The following SNTG1 variants were observed in gnomAD, a reference collection of about 807,000 sequenced individuals.
SNTG1 encodes gamma-1-syntrophin.
Under a neutral mutation model 74.7 loss-of-function variants are expected in SNTG1, and 39 were observed. That is an observed-to-expected ratio of 0.52 (90% CI 0.40 to 0.68). The LOEUF is 0.68. SNTG1 is among the 30% of genes least tolerant of loss of function. The pLI, the probability that SNTG1 is intolerant of heterozygous loss-of-function variation, is 0.00. For synonymous variants in SNTG1, 254 were observed against 217.1 expected, an observed-to-expected ratio of 1.17 and a Z score of -1.49; for missense variants, 685 against 609.5, an observed-to-expected ratio of 1.12 and a Z score of -1.30.
chr8:50,298,766 G>T (rs530768889), intron 2 of SNTG1, among the ~76,000 whole-genome samples: 1 of 152,030 alleles, frequency 6.6e-6, no homozygotes, highest in Non-Finnish European at 1.5e-5. Flanking sequence ...AGGAAGTGAC[G>T]GCAAACATTT....
chr8:50,469,075 T>A (rs2093631428), intron 8 of SNTG1, among the ~76,000 whole-genome samples: 1 of 152,186 alleles, frequency 6.6e-6, no homozygotes, highest in African/African-American at 2.4e-5. Flanking sequence ...GTTTATTCTT[T>A]CATTGGCATT....
At chr8:50,240,388 G>A (rs2086111892) in intron 2 of SNTG1, among the ~76,000 whole-genome samples, 1 of 152,016 alleles carries the variant, frequency 6.6e-6, no homozygotes. Context: ...TAATGATTGT[G>A]GAATAAATGA....
intron 17 of SNTG1, chr8:50,709,231 A>G (rs2131552844): frequency 4.8e-6 from 2 of 417,604 alleles, no homozygotes; most frequent in Non-Finnish European, 8.4e-6. Flanking sequence ...GTATGTATCT[A>G]TCTATCAATC....
intron 4 of SNTG1, among the ~76,000 whole-genome samples, chr8:50,432,437 A>G (rs2093248671): frequency 6.6e-6 from 1 of 152,058 alleles, no homozygotes; most frequent in Non-Finnish European, 1.5e-5. Context: ...AGTAAGTCCT[A>G]GGTCAAGCAT....
In SNTG1 at chr8:50,793,626, A is replaced by G. The variant is rs1331440833; in HGVS notation, c.*797A>G. On this transcript the variant is annotated 3_prime_UTR_variant, in exon 19 of 19. Transcript: ENST00000642720. ...CTTCCTTGGTTTGAAAGAGATTTGT[A>G]TTTTACCTAATAAGATTTATTATCA... 1 of 151,888 alleles carries G rather than the reference A, an allele frequency of 6.6e-6. No homozygotes were observed. Among genetic ancestry groups the G allele is most frequent in the Non-Finnish European group, 1.5e-5 (1 of 67,864 alleles). 9.4% of individuals were successfully genotyped at this position (151,888 alleles called of 1,614,324 possible).
chr8:50,245,180 C>CT (rs1349046463), intron 2 of SNTG1, among the ~76,000 whole-genome samples: 1 of 152,094 alleles, frequency 6.6e-6, no homozygotes, highest in Non-Finnish European at 1.5e-5. Flanking sequence ...AAGAAGTTAA[C>CT]AGACTAAATG....
chr8:50,103,295 C>G (rs1332009240), intron 1 of SNTG1, among the ~76,000 whole-genome samples: 1 of 152,118 alleles, frequency 6.6e-6, no homozygotes, highest in Non-Finnish European at 1.5e-5. Flanking sequence ...AAGTTGGATT[C>G]TTAGGTATTT....
intron 12 of SNTG1, among the ~76,000 whole-genome samples, chr8:50,579,821 G>A (rs980048363): frequency 7.9e-5 from 12 of 152,206 alleles, no homozygotes; most frequent in Admixed American, 4.6e-4. Context: ...ATGTCTGGGT[G>A]TCCAGGCAGA....
intron 1 of SNTG1, among the ~76,000 whole-genome samples, chr8:50,167,289 G>GA (rs1180714505): frequency 7.6e-4 from 68 of 89,008 alleles, no homozygotes; most frequent in South Asian, 1.3e-3. Context: ...AATAAAAAAA[G>GA]AAAAAAAAAA....
intron 2 of SNTG1, among the ~76,000 whole-genome samples, chr8:50,286,242 T>G (rs58377715): frequency 1.3e-5 from 2 of 152,326 alleles, no homozygotes; most frequent in South Asian, 2.1e-4. Flanking sequence ...TTTGCTAGAA[T>G]GGCAGATCTT....
chr8:49,933,706 T>C (rs1188286643), intron 1 of SNTG1, among the ~76,000 whole-genome samples: 1 of 152,218 alleles, frequency 6.6e-6, no homozygotes, highest in East Asian at 1.9e-4. Flanking sequence ...CCATTGATGT[T>C]GATGTCCAGT....
intron 16 of SNTG1, 41 bp downstream of exon 16, chr8:50,704,793 A>T: frequency 6.2e-7 from 1 of 1,605,264 alleles, no homozygotes; most frequent in Non-Finnish European, 8.5e-7. Flanking sequence ...GCTCCCTCAG[A>T]TGCATGACCA....
intron 1 of SNTG1, among the ~76,000 whole-genome samples, chr8:50,074,803 T>A (rs1038529845): frequency 6.6e-6 from 1 of 152,120 alleles, no homozygotes; most frequent in Admixed American, 6.5e-5. Context: ...TGGGAGCCAC[T>A]CTCTGGGCTG....
intron 1 of SNTG1, among the ~76,000 whole-genome samples, chr8:49,990,736 A>G (rs762974589): frequency 6.6e-6 from 1 of 152,112 alleles, no homozygotes; most frequent in Non-Finnish European, 1.5e-5. Context: ...AAGCAGTGCC[A>G]AGACACATGT....
chr8:50,188,490 A>G lies in SNTG1; in HGVS notation c.-28+15855A>G, dbSNP rs185315221. On this transcript the variant is annotated intron_variant, in intron 2 of 18. Transcript: ENST00000642720. Reference sequence around the variant, plus strand: ...CATCATTCAGATCCATTTGTAAACTACACAAGAGTTTTTTCACCCTCAGAT... The same window carrying G: ...CATCATTCAGATCCATTTGTAAACTGCACAAGAGTTTTTTCACCCTCAGAT... Among the ~76,000 whole-genome samples the G allele has an allele frequency of 9.8e-4, 149 of 152,222 alleles. 3 individuals are homozygous for G. Among genetic ancestry groups the G allele is most frequent in the Non-Finnish European group, 5.6e-4 (38 of 68,006 alleles).
At chr8:50,220,640 G>A (rs527591288) in intron 2 of SNTG1, among the ~76,000 whole-genome samples, 12 of 152,168 alleles carry the variant, frequency 7.9e-5, no homozygotes, top group South Asian at 2.1e-4. Context: ...ATGAGCCAGC[G>A]TGCTCCTTTA....
intron 1 of SNTG1, among the ~76,000 whole-genome samples, chr8:50,021,970 A>G (rs1816863308): frequency 6.6e-6 from 1 of 151,726 alleles, no homozygotes; most frequent in Non-Finnish European, 1.5e-5. Context: ...ATAAAAATAA[A>G]AAGAAGAAGA....
intron 10 of SNTG1, among the ~76,000 whole-genome samples, chr8:50,530,994 G>A (rs2094262293): frequency 6.6e-6 from 1 of 152,168 alleles, no homozygotes; most frequent in Non-Finnish European, 1.5e-5. Flanking sequence ...ACGTTAAGCA[G>A]AATTTTATTG....
At chr8:50,077,503 A>G (rs1273945334) in intron 1 of SNTG1, among the ~76,000 whole-genome samples, 1 of 152,152 alleles carries the variant, frequency 6.6e-6, no homozygotes, top group Non-Finnish European at 1.5e-5. Context: ...GTTATTAAGC[A>G]TTATTTAATA....
Sources: gnomAD v4.1 joint callset for allele counts (sites outside exome capture counted in the v4.1 genomes callset) on GRCh38, gnomAD v4.1.1 for gene constraint, MANE v1.5 for transcripts, NCBI Gene and HGNC (gene_info 2026-07-23, HGNC 2026-07-21) for gene names.